The following ARHGAP31 variants were observed in gnomAD, a reference collection of about 807,000 sequenced individuals.
The protein encoded by ARHGAP31 is rho GTPase-activating protein 31.
A neutral mutation model predicts 113.9 loss-of-function variants in ARHGAP31; 34 were observed. The ratio of observed to expected loss-of-function variants is 0.30; its 90% CI spans 0.23 to 0.40. The LOEUF (loss-of-function observed/expected upper bound fraction) is 0.40, where lower values mean the gene tolerates loss of function less well. ARHGAP31 is among the 10% of genes least tolerant of loss of function. The probability of loss-of-function intolerance (pLI) is 1.00; values close to 1 mark genes in which losing one functional copy is unlikely to be tolerated. For missense variants in ARHGAP31, 1,548 were observed against 1,767.1 expected (o/e 0.88, Z 2.22); for synonymous variants, 650 against 684.8 (o/e 0.95, Z 0.79).
intron 1 of ARHGAP31, among the ~76,000 whole-genome samples, chr3:119,344,029 G>A (rs900256119): frequency 1.4e-5 from 2 of 143,692 alleles, no homozygotes; most frequent in Non-Finnish European, 3.0e-5. Context: ...TACTGAGAGG[G>A]AGCACTGCTG....
At chr3:119,376,315 C>A (rs1577018582) in intron 3 of ARHGAP31, among the ~76,000 whole-genome samples, 1 of 152,072 alleles carries the variant, frequency 6.6e-6, no homozygotes, top group Non-Finnish European at 1.5e-5. Context: ...ATGGTGAAAC[C>A]CCGTCTCTAC....
At position 119,380,897 on chromosome 3, in the gene ARHGAP31, T is replaced by C. The variant is rs200397968; in HGVS notation, c.349-7T>C. 10 of 1,613,932 alleles carry C rather than the reference T, an allele frequency of 6.2e-6. No homozygotes were observed. The highest frequency in any genetic ancestry group is 1.1e-5 in the South Asian group (1 of 91,070). Reference sequence around the variant, plus strand: ...CTCACCAGGCTGCCTTGTGTTCTTCTCCACAGGAGGCAGTGTCGCATTGCC... The same window carrying C: ...CTCACCAGGCTGCCTTGTGTTCTTCCCCACAGGAGGCAGTGTCGCATTGCC... On this transcript the variant is annotated splice_polypyrimidine_tract_variant and splice_region_variant and intron_variant, in intron 3 of 11. Coordinates refer to ENST00000264245, the MANE Select transcript of ARHGAP31 (RefSeq NM_020754.4).
chr3:119,305,797 A>C (rs2079626614), intron 1 of ARHGAP31, among the ~76,000 whole-genome samples: 1 of 152,202 alleles, frequency 6.6e-6, no homozygotes, highest in Non-Finnish European at 1.5e-5. Flanking sequence ...AGAGCTGAGG[A>C]CAGAAACGCT....
At chr3:119,389,569 C>T (rs780586106) in intron 6 of ARHGAP31, among the ~76,000 whole-genome samples, 1 of 152,172 alleles carries the variant, frequency 6.6e-6, no homozygotes, top group Non-Finnish European at 1.5e-5. Flanking sequence ...TTAGTGCCAT[C>T]CATGCTAGTC....
rs573030607 is a variant in ARHGAP31, at chr3:119,402,076, G to C, written c.1324G>C (p.Glu442Gln). Residue 442 changes from glutamate to glutamine, a missense_variant, in exon 10 of 12, where the codon GAG becomes CAG. Glu to Gln is a conservative substitution (Grantham distance 29). Transcript: ENST00000264245. ...GGTTTTCCGGCCTGTTGAGGATCCG[G>C]AGAGCGAGCAAACAGCCCCAAAGAT... ...LKVFRPVEDP[E>Q]SEQTAPKMLG... The C allele has an allele frequency of 6.2e-7, 1 of 1,614,232 alleles. No individual in the cohort carries two copies. Among genetic ancestry groups the C allele is most frequent in the East Asian group, 2.2e-5 (1 of 44,888 alleles).
chr3:119,331,099 G>C (rs1453059550), intron 1 of ARHGAP31, among the ~76,000 whole-genome samples: 1 of 152,140 alleles, frequency 6.6e-6, no homozygotes, highest in South Asian at 2.1e-4. Context: ...CTGCTGACAT[G>C]GTTCAAATGT....
At chr3:119,335,578 G>A (rs932410885) in intron 1 of ARHGAP31, among the ~76,000 whole-genome samples, 25 of 152,176 alleles carry the variant, frequency 1.6e-4, no homozygotes, top group Non-Finnish European at 3.4e-4. Context: ...TATTGGGGAG[G>A]AGAACACAGG....
intron 3 of ARHGAP31, among the ~76,000 whole-genome samples, chr3:119,372,271 T>C (rs2080304628): frequency 6.7e-6 from 1 of 149,792 alleles, no homozygotes; most frequent in African/African-American, 2.5e-5. Context: ...CAGCATCTGT[T>C]ATTTCTGACT....
intron 1 of ARHGAP31, among the ~76,000 whole-genome samples, chr3:119,316,383 T>C (rs2079730808): frequency 6.6e-6 from 1 of 152,352 alleles, no homozygotes; most frequent in East Asian, 1.9e-4. Context: ...GTTTTAGGAC[T>C]GGATAAACTT....
chr3:119,341,011 A>G (rs2080003193), intron 1 of ARHGAP31, among the ~76,000 whole-genome samples: 2 of 152,216 alleles, frequency 1.3e-5, no homozygotes, highest in South Asian at 2.1e-4. Context: ...CATGGGAAAC[A>G]TCATGGGATT....
chr3:119,341,703 A>T (rs1457335643), intron 1 of ARHGAP31: 1 of 152,068 alleles, frequency 6.6e-6, no homozygotes, highest in East Asian at 1.9e-4. Flanking sequence ...CTTGTTGCAC[A>T]CTTAGAATGG....
intron 1 of ARHGAP31, among the ~76,000 whole-genome samples, chr3:119,329,122 G>A (rs1324057228): frequency 6.6e-6 from 1 of 152,226 alleles, no homozygotes; most frequent in African/African-American, 2.4e-5. Context: ...TGGCAAGCCA[G>A]TCTGTCTGAG....
chr3:119,303,044 G>C (rs9841997), intron 1 of ARHGAP31, among the ~76,000 whole-genome samples: 3,657 of 152,218 alleles, frequency 0.024, 143 homozygotes, highest in African/African-American at 0.083. Flanking sequence ...CACTGCCTTA[G>C]GGTCAGGTGT....
rs549458623 is a variant in ARHGAP31, at chr3:119,416,036, C to T, written c.4107C>T (p.Ser1369=). 3.7e-6 allele frequency: 6 copies of T among 1,614,156 alleles called. No homozygotes were observed. In the South Asian group the frequency reaches 4.4e-5, roughly 12 times the overall value. Residue 1369 remains serine, a synonymous_variant, in exon 12 of 12, where the codon TCC becomes TCT. Transcript: ENST00000264245. ...HLPPSSTVTD[S]KVLLSPIRSP... is the part of the protein sequence containing the mutation. ...CCCCTTCATCCACAGTGACAGATTCCAAGGTCCTGCTGTCCCCTATCAGAA... is the reference window on the plus strand; with the variant it reads ...CCCCTTCATCCACAGTGACAGATTCTAAGGTCCTGCTGTCCCCTATCAGAA...
chr3:119,324,612 G>C lies in ARHGAP31; in HGVS notation c.100+29608G>C, dbSNP rs186943264. 3.7e-3 allele frequency among the ~76,000 whole-genome samples: 561 copies of C among 152,270 alleles called. 1 individual carries two copies. Among genetic ancestry groups the C allele is most frequent in the Non-Finnish European group, 6.0e-3 (411 of 68,012 alleles). Reference sequence around the variant, plus strand: ...TTCCTTGTCCCTCCCAAGGAGATTTGTAGCTATTAAAAGAAACAAACAAAC... The same window carrying C: ...TTCCTTGTCCCTCCCAAGGAGATTTCTAGCTATTAAAAGAAACAAACAAAC... On this transcript the variant is annotated intron_variant, in intron 1 of 11. Transcript: ENST00000264245.
At chr3:119,307,939 G>GAAAAAAAA (rs1559961514) in intron 1 of ARHGAP31, among the ~76,000 whole-genome samples, 2 of 1,646 alleles carry the variant, frequency 1.2e-3, no homozygotes, top group African/African-American at 1.7e-3. Context: ...TGAATTAACA[G>GAAAAAAAA]CAAAAAAAAA....
At chr3:119,333,597 C>T (rs1485450690) in intron 1 of ARHGAP31, among the ~76,000 whole-genome samples, 1 of 152,192 alleles carries the variant, frequency 6.6e-6, no homozygotes, top group Non-Finnish European at 1.5e-5. Context: ...TAGCACTCTG[C>T]AGCCTTTGTA....
chr3:119,363,082 A>G lies in ARHGAP31; in HGVS notation c.101-2234A>G, dbSNP rs542494543. ...ACAGAACCCTTGTATATTTTGCCCAAGGTTACAAAAGCAGTTTGGTATCCG... is the reference window on the plus strand; with the variant it reads ...ACAGAACCCTTGTATATTTTGCCCAGGGTTACAAAAGCAGTTTGGTATCCG... On this transcript the variant is annotated intron_variant, in intron 1 of 11. Coordinates refer to ENST00000264245, the MANE Select transcript of ARHGAP31 (RefSeq NM_020754.4). 4.6e-5 allele frequency among the ~76,000 whole-genome samples: 7 copies of G among 152,308 alleles called. No homozygotes were observed. In the South Asian group the frequency reaches 1.4e-3, roughly 32 times the overall value.
At chr3:119,332,676 C>T (rs894483172) in intron 1 of ARHGAP31, among the ~76,000 whole-genome samples, 53 of 148,752 alleles carry the variant, frequency 3.6e-4, no homozygotes, top group African/African-American at 1.3e-3. Context: ...CACACACACA[C>T]GCATGCACGC....
Sources: gnomAD v4.1 joint callset for allele counts (sites outside exome capture counted in the v4.1 genomes callset) on GRCh38, gnomAD v4.1.1 for gene constraint, MANE v1.5 for transcripts, NCBI Gene and HGNC (gene_info 2026-07-23, HGNC 2026-07-21) for gene names.